TPM4: variants seen among roughly 807,000 people sequenced by gnomAD.
TPM4 encodes tropomyosin 4.
In TPM4, 17 loss-of-function variants were observed where a neutral mutation model predicts 35.8. The observed-to-expected ratio is 0.47, with a 90% CI of 0.32 to 0.71. The LOEUF (loss-of-function observed/expected upper bound fraction) is 0.71, where lower values mean the gene tolerates loss of function less well. Ranked by LOEUF, TPM4 falls within the 30% of genes least tolerant of loss-of-function variation. TPM4 has a pLI of 0.03. For synonymous variants in TPM4, 120 were observed against 122.9 expected (o/e 0.98, Z 0.15); for missense variants, 240 against 320.9 (o/e 0.75, Z 1.93).
In TPM4 at chr19:16,089,468, A is replaced by G. The variant is rs531395703; in HGVS notation, c.531+348A>G. Among the ~76,000 whole-genome samples, 6 of 152,334 alleles carry G rather than the reference A, an allele frequency of 3.9e-5. No individual in the cohort carries two copies. In the South Asian group the frequency reaches 1.2e-3, roughly 32 times the overall value. Reference sequence around the variant, plus strand: ...CCTCCAGAAATACCATCTCAAAGGTATAGCAATGATCAGAGGTGGAATTGG... The same window carrying G: ...CCTCCAGAAATACCATCTCAAAGGTGTAGCAATGATCAGAGGTGGAATTGG... On this transcript the variant is annotated intron_variant, in intron 5 of 7. Coordinates refer to ENST00000643579, the MANE Select transcript of TPM4 (RefSeq NM_003290.3).
In TPM4 at chr19:16,076,763, G is replaced by T. The variant is rs934637027; in HGVS notation, c.132+66G>T. 10 of 1,284,612 alleles carry T rather than the reference G, an allele frequency of 7.8e-6. No homozygotes were observed. In the Admixed American group the frequency reaches 3.8e-4, roughly 49 times the overall value. The allele number at this position is 1,284,612 out of a possible 1,614,324, so 79.6% of individuals were successfully genotyped here. ...CCCCCGCGCGCCCTCCTTTCTTCCC[G>T]GCTTCCCGCGCTGCCCGCCCGCGCG... On this transcript the variant is annotated intron_variant, in intron 1 of 7. Transcript: ENST00000643579.
chr19:16,068,281 G>A (rs779141192), intron 2 of TPM4, among the ~76,000 whole-genome samples: 13 of 151,952 alleles, frequency 8.6e-5, no homozygotes, highest in Non-Finnish European at 1.5e-4. Context: ...GCGTTCAGGC[G>A]ATTCTCCTGC....
chr19:16,076,989 T>C, intron 1 of TPM4: 1 of 392,906 alleles, frequency 2.5e-6, no homozygotes, highest in Non-Finnish European at 3.9e-6. Flanking sequence ...GATCTCCGGG[T>C]GGAGAAGTGG....
chr19:16,102,280 A>G lies in TPM4; in HGVS notation c.*934A>G, dbSNP rs2090770593. ...CTTGAACCCAGGAAGTGGAGACTGCAGTGAGCCGATATCGCACCACAGCGC... is the reference window on the plus strand; with the variant it reads ...CTTGAACCCAGGAAGTGGAGACTGCGGTGAGCCGATATCGCACCACAGCGC... On this transcript the variant is annotated 3_prime_UTR_variant, in exon 8 of 8. Coordinates refer to ENST00000643579, the MANE Select transcript of TPM4 (RefSeq NM_003290.3). 5.2e-6 allele frequency: 1 copy of G among 192,494 alleles called. No individual in the cohort carries two copies. Among genetic ancestry groups the G allele is most frequent in the Admixed American group, 6.1e-5 (1 of 16,348 alleles). The allele number at this position is 192,494 out of a possible 1,614,324, so 11.9% of individuals were successfully genotyped here.
chr19:16,068,500 CTGTG>C (rs1420853754), intron 2 of TPM4, among the ~76,000 whole-genome samples: 1 of 151,550 alleles, frequency 6.6e-6, no homozygotes, highest in Non-Finnish European at 1.5e-5. Flanking sequence ...GAGCAATTCT[CTGTG>C]TGTGTGCGTG....
chr19:16,078,177 G>C, intron 1 of TPM4: 1 of 398,794 alleles, frequency 2.5e-6, no homozygotes, highest in Admixed American at 4.4e-5. Context: ...TTTCTGTGCA[G>C]TTATGGGAGC....
In TPM4 at chr19:16,102,716, C is replaced by G. The variant is rs776613785; in HGVS notation, c.*1370C>G. ...CGGCTTTGTTTGACTTCTCTTTTCTCAGTTAACATCTCAGAGCTAGAACAT... is the reference window on the plus strand; with the variant it reads ...CGGCTTTGTTTGACTTCTCTTTTCTGAGTTAACATCTCAGAGCTAGAACAT... On this transcript the variant is annotated 3_prime_UTR_variant, in exon 8 of 8. Transcript: ENST00000643579. The G allele has an allele frequency of 4.3e-6, 1 of 230,110 alleles. No homozygotes were observed. The highest frequency in any genetic ancestry group is 8.6e-6 in the Non-Finnish European group (1 of 116,074). The allele number at this position is 230,110 out of a possible 1,614,324, so 14.3% of individuals were successfully genotyped here.
intron 5 of TPM4, among the ~76,000 whole-genome samples, chr19:16,092,016 C>T (rs1464857739): frequency 6.6e-6 from 1 of 151,588 alleles, no homozygotes; most frequent in Non-Finnish European, 1.5e-5. Flanking sequence ...CTAAAAATAA[C>T]AAAAATTAGC....
In TPM4 at chr19:16,086,951, A is replaced by G. The variant is rs565776865; in HGVS notation, c.384+411A>G. The stretch of plus-strand genomic sequence containing the variant: ...CTCAGGCTTGAGGAAGAGAATCAGG[A>G]TTTCCTCCAGGCCCCAGGATGGCTC... On this transcript the variant is annotated intron_variant, in intron 3 of 7. Transcript: ENST00000643579. Among the ~76,000 whole-genome samples, 3 of 151,962 alleles carry G rather than the reference A, an allele frequency of 2.0e-5. No individual in the cohort carries two copies. In the East Asian group the frequency reaches 5.8e-4, roughly 29 times the overall value.
At chr19:16,072,736 G>A (rs974850673), upstream of TPM4, among the ~76,000 whole-genome samples, 7 of 151,212 alleles carry the variant, frequency 4.6e-5, no homozygotes, top group African/African-American at 1.7e-4. Flanking sequence ...GCAAAACCCT[G>A]TCTCTACAAA....
At chr19:16,089,867 C>CT (rs954798691) in intron 5 of TPM4, among the ~76,000 whole-genome samples, 6 of 149,306 alleles carry the variant, frequency 4.0e-5, no homozygotes, top group South Asian at 2.1e-4. Flanking sequence ...TTTTTCTTTT[C>CT]TTTTTTTTTG....
intron 2 of TPM4, among the ~76,000 whole-genome samples, chr19:16,069,548 A>ATTCTAT (rs1420489115): frequency 0.12 from 1,174 of 9,674 alleles, 10 homozygotes; most frequent in African/African-American, 0.27. Flanking sequence ...TTGTGTGTGG[A>ATTCTAT]TGAGTGTGTG....
At chr19:16,081,349 T>A (rs915655231) in intron 1 of TPM4, 17 of 340,302 alleles carry the variant, frequency 5.0e-5, no homozygotes, top group African/African-American at 3.6e-4. Context: ...ACATGGTATG[T>A]TTGACTCCTA....
chr19:16,069,913 C>T (rs1041377166), intron 2 of TPM4, among the ~76,000 whole-genome samples: 5 of 151,938 alleles, frequency 3.3e-5, no homozygotes, highest in Admixed American at 1.3e-4. Context: ...TGACACTATG[C>T]CCCTGGATCA....
intron 2 of TPM4, among the ~76,000 whole-genome samples, chr19:16,071,364 T>C (rs1289265671): frequency 6.6e-6 from 1 of 152,026 alleles, no homozygotes; most frequent in African/African-American, 2.4e-5. Flanking sequence ...TTATTTTATT[T>C]TTAGTAGAGA....
At chr19:16,096,750 T>C (rs1240463469) in intron 7 of TPM4, among the ~76,000 whole-genome samples, 1 of 152,116 alleles carries the variant, frequency 6.6e-6, no homozygotes, top group Non-Finnish European at 1.5e-5. Flanking sequence ...TCAGAAGACG[T>C]GAATTTAGAA....
chr19:16,092,074 G>C (rs188530427), intron 5 of TPM4, among the ~76,000 whole-genome samples: 6 of 151,992 alleles, frequency 3.9e-5, no homozygotes, highest in African/African-American at 1.4e-4. Flanking sequence ...GGGAGGCTGA[G>C]TCAGGGGAAT....
At position 16,101,935 on chromosome 19, in the gene TPM4, C is replaced by T; in HGVS notation, c.*589C>T. On this transcript the variant is annotated 3_prime_UTR_variant, in exon 8 of 8. Coordinates refer to ENST00000643579, the MANE Select transcript of TPM4 (RefSeq NM_003290.3). ...ACTCTCCACCATGCAGGACAAACAT[C>T]TTCTCAAGCAGTCAACGTAGAATGC... 4.4e-6 allele frequency: 1 copy of T among 224,842 alleles called. No homozygotes were observed. Among genetic ancestry groups the T allele is most frequent in the Non-Finnish European group, 8.9e-6 (1 of 112,888 alleles). The allele number at this position is 224,842 out of a possible 1,614,324, so 13.9% of individuals were successfully genotyped here.
In TPM4 at chr19:16,070,510, T is replaced by C. The variant is rs1490928463; in HGVS notation, c.114+2772T>C. On this transcript the variant is annotated intron_variant, in intron 2 of 2. Coordinates refer to the TPM4 transcript ENST00000589897. This position sits in a 1 kb window ranked among gnomAD's most constrained non-coding sequence, Gnocchi z 7.4. ...CCAGGAGCCAGGCCAGCCCGGCAGCTAAAGGCGAAAGCTCGGAGCTCAGAC... is the reference window on the plus strand; with the variant it reads ...CCAGGAGCCAGGCCAGCCCGGCAGCCAAAGGCGAAAGCTCGGAGCTCAGAC... Among the ~76,000 whole-genome samples the C allele has an allele frequency of 6.6e-6, 1 of 152,112 alleles. No individual in the cohort carries two copies. The highest frequency in any genetic ancestry group is 1.5e-5 in the Non-Finnish European group (1 of 67,996).
Sources: gnomAD v4.1 joint callset for allele counts (sites outside exome capture counted in the v4.1 genomes callset) on GRCh38, gnomAD v4.1.1 for gene constraint, Gnocchi (gnomAD v3.1) non-coding constraint, MANE v1.5 for transcripts, NCBI Gene and HGNC (gene_info 2026-07-23, HGNC 2026-07-21) for gene names.